GPC5: variants seen among roughly 807,000 people sequenced by gnomAD.
GPC5 encodes the protein glypican 5.
A neutral mutation model predicts 53.9 loss-of-function variants in GPC5; 47 were observed. The observed-to-expected ratio is 0.87, with a 90% CI of 0.69 to 1.11. GPC5 has a LOEUF of 1.11. Among genes scored for constraint, GPC5 ranks in the 50% most tolerant of loss-of-function variants. The pLI is 0.00. For missense variants in GPC5, 748 were observed against 713.1 expected (o/e 1.05, Z -0.56); for synonymous variants, 286 against 263.3 (o/e 1.09, Z -0.84).
chr13:91,717,360 T>C (rs1330238355), intron 3 of GPC5, among the ~76,000 whole-genome samples: 2 of 152,114 alleles, frequency 1.3e-5, no homozygotes, highest in Non-Finnish European at 2.9e-5. Context: ...ATCAGAACTG[T>C]GCTTTAGGAA....
At chr13:92,297,383 G>A (rs757140855) in intron 7 of GPC5, among the ~76,000 whole-genome samples, 1 of 142,054 alleles carries the variant, frequency 7.0e-6, no homozygotes, top group Non-Finnish European at 1.5e-5. Flanking sequence ...GTTTGTGAGT[G>A]CACCAATCGA....
intron 3 of GPC5, among the ~76,000 whole-genome samples, chr13:91,718,669 T>G (rs1380280002): frequency 6.6e-6 from 1 of 152,180 alleles, no homozygotes; most frequent in Non-Finnish European, 1.5e-5. Flanking sequence ...TATAACCAAA[T>G]TAATAGCACA....
chr13:92,696,755 G>A (rs1017658398), intron 7 of GPC5, among the ~76,000 whole-genome samples: 1 of 152,118 alleles, frequency 6.6e-6, no homozygotes, highest in Non-Finnish European at 1.5e-5. Context: ...TGGTGTTTTA[G>A]TCATGAAGTC....
At chr13:91,451,620 G>GTTT (rs5805694) in intron 2 of GPC5, among the ~76,000 whole-genome samples, 1 of 148,200 alleles carries the variant, frequency 6.7e-6, no homozygotes, top group Non-Finnish European at 1.5e-5. Flanking sequence ...CTGTTTGTTT[G>GTTT]TTTTTTTTTT....
intron 7 of GPC5, among the ~76,000 whole-genome samples, chr13:92,268,085 A>G (rs2042814622): frequency 6.6e-6 from 1 of 151,032 alleles, no homozygotes; most frequent in African/African-American, 2.4e-5. Flanking sequence ...CCTTCAAAAC[A>G]CAATGGATAA....
intron 7 of GPC5, among the ~76,000 whole-genome samples, chr13:92,166,352 TG>T (rs2042027331): frequency 6.6e-6 from 1 of 152,214 alleles, no homozygotes; most frequent in Admixed American, 6.5e-5. Flanking sequence ...AGATCTCATT[TG>T]CTAGCCCTAT....
intron 2 of GPC5, among the ~76,000 whole-genome samples, chr13:91,494,901 A>C (rs1884164629): frequency 6.6e-6 from 1 of 152,140 alleles, no homozygotes; most frequent in Non-Finnish European, 1.5e-5. Flanking sequence ...TTCTCACTTT[A>C]AAAACTTATC....
At chr13:92,667,484 A>G (rs10507993) in intron 7 of GPC5, among the ~76,000 whole-genome samples, 33,353 of 152,080 alleles carry the variant, frequency 0.22, 4,346 homozygotes, top group South Asian at 0.36. Flanking sequence ...TGGCACTGTA[A>G]GGAGTAAAAG....
intron 7 of GPC5, among the ~76,000 whole-genome samples, chr13:92,470,299 G>A (rs1248706808): frequency 6.6e-6 from 1 of 152,104 alleles, no homozygotes; most frequent in Non-Finnish European, 1.5e-5. Context: ...GTATTTCACA[G>A]CAGATTGCAA....
intron 2 of GPC5, among the ~76,000 whole-genome samples, chr13:91,460,716 T>C: frequency 6.6e-6 from 1 of 152,268 alleles, no homozygotes; most frequent in Middle Eastern, 3.4e-3. Flanking sequence ...TTGTAAACTA[T>C]GAAACATAGT....
chr13:91,848,762 G>C (rs1277886169), intron 5 of GPC5, among the ~76,000 whole-genome samples: 1 of 152,172 alleles, frequency 6.6e-6, no homozygotes, highest in African/African-American at 2.4e-5. Flanking sequence ...TTCTGAGCCA[G>C]AGACATTCTG....
At chr13:92,297,885 G>A (rs1471858003) in intron 7 of GPC5, among the ~76,000 whole-genome samples, 3 of 152,020 alleles carry the variant, frequency 2.0e-5, no homozygotes, top group Non-Finnish European at 4.4e-5. Flanking sequence ...CACTCACCGC[G>A]AAGATCTGCA....
chr13:92,081,376 AC>A (rs2041294174), intron 6 of GPC5, among the ~76,000 whole-genome samples: 1 of 152,228 alleles, frequency 6.6e-6, no homozygotes, highest in Non-Finnish European at 1.5e-5. Flanking sequence ...TGCTGGGATT[AC>A]AGATTTGAGC....
rs183758825 is a variant in GPC5, at chr13:92,752,538, C to T, written c.1562-113744C>T. 9.2e-5 allele frequency among the ~76,000 whole-genome samples: 14 copies of T among 152,224 alleles called. No individual in the cohort carries two copies. The South Asian group carries it at 1.9e-3, about 20-fold the overall frequency. ...GGTCTACAGCTCCCAGCGTGAGCGA[C>T]GCAGAAGACGGGTGATTTCTGCATT... On this transcript the variant is annotated intron_variant, in intron 7 of 7. Transcript: ENST00000377067.
rs193218653 is a variant in GPC5, at chr13:92,109,220, C to T, written c.1402-35610C>T. Among the ~76,000 whole-genome samples, 13 of 152,020 alleles carry T rather than the reference C, an allele frequency of 8.6e-5. 1 individual carries two copies. Among genetic ancestry groups the T allele is most frequent in the Admixed American group, 5.9e-4 (9 of 15,256 alleles). On this transcript the variant is annotated intron_variant, in intron 6 of 7. Coordinates refer to ENST00000377067, the MANE Select transcript of GPC5 (RefSeq NM_004466.6). ...TAGCTGGGACTACAGGCACTCACCACCACACCCAGTTCCTTTTTATTTTTT... is the reference window on the plus strand; with the variant it reads ...TAGCTGGGACTACAGGCACTCACCATCACACCCAGTTCCTTTTTATTTTTT...
chr13:91,629,944 C>T (rs932646114), intron 2 of GPC5, among the ~76,000 whole-genome samples: 2 of 152,142 alleles, frequency 1.3e-5, no homozygotes, highest in Admixed American at 1.3e-4. Flanking sequence ...TTTAGCACCT[C>T]ACTTTTCCCT....
chr13:92,627,599 G>A (rs1885088675), intron 7 of GPC5, among the ~76,000 whole-genome samples: 1 of 152,122 alleles, frequency 6.6e-6, no homozygotes, highest in Admixed American at 6.5e-5. Context: ...CATTTCTACA[G>A]GCATTAGCAA....
At chr13:92,863,597 G>C (rs183203635) in intron 7 of GPC5, among the ~76,000 whole-genome samples, 1 of 152,258 alleles carries the variant, frequency 6.6e-6, no homozygotes, top group Non-Finnish European at 1.5e-5. Flanking sequence ...GAGTTCAAGT[G>C]ATTCTCCTGC....
At chr13:91,994,945 T>C (rs1309625336) in intron 6 of GPC5, 1 of 149,444 alleles carries the variant, frequency 6.7e-6, no homozygotes. Context: ...ACAATGTTTT[T>C]ACCTGCAAAC....
Sources: gnomAD v4.1 joint callset for allele counts (sites outside exome capture counted in the v4.1 genomes callset) on GRCh38, gnomAD v4.1.1 for gene constraint, MANE v1.5 for transcripts, NCBI Gene and HGNC (gene_info 2026-07-23, HGNC 2026-07-21) for gene names.